Variants in ZNF454 observed in about 807,000 individuals in gnomAD.
ZNF454 encodes the protein zinc finger protein 454.
Under a neutral mutation model 48.2 loss-of-function variants are expected in ZNF454, and 30 were observed. The observed-to-expected ratio is 0.62, with a 90% CI of 0.47 to 0.84. The LOEUF (loss-of-function observed/expected upper bound fraction) is 0.84, where lower values mean the gene tolerates loss of function less well. Ranked by LOEUF, ZNF454 falls within the 40% of genes least tolerant of loss-of-function variation. The pLI is 0.00. For missense variants in ZNF454, 510 were observed against 623.1 expected, an observed-to-expected ratio of 0.82 and a Z score of 1.93; for synonymous variants, 204 against 211.4, an observed-to-expected ratio of 0.97 and a Z score of 0.30.
chr5:178,960,414 C>T (rs1479846354), intron 4 of ZNF454, among the ~76,000 whole-genome samples: 3 of 151,664 alleles, frequency 2.0e-5, no homozygotes, highest in Non-Finnish European at 4.4e-5. Flanking sequence ...TGTGCCACCA[C>T]GCCCGGCTAA....
At position 178,965,839 on chromosome 5, in the gene ZNF454, C is replaced by G. The variant is rs776175490; in HGVS notation, c.1435C>G (p.Arg479Gly). The change falls in exon 5 of 5, where the codon CGA (arginine) becomes GGA (glycine). Residue 479 changes from arginine (R) to glycine (G), a missense_variant. Physicochemically the swap from Arg to Gly is moderately radical, Grantham distance 125. This residue lies in a region of ZNF454 where 153 missense variants were observed against 195.8 expected (regional missense o/e 0.78). Transcript: ENST00000519564. The surrounding 1 kb of genome is among the most constrained non-coding windows in gnomAD (Gnocchi z 5.2). Reference sequence around the variant, plus strand: ...TAAAATCTGTGAGAAAGCCTTTATCCGAAGCACTCACCTGACTCAACATCA... The same window carrying G: ...TAAAATCTGTGAGAAAGCCTTTATCGGAAGCACTCACCTGACTCAACATCA... ...KCKICEKAFI[R>G]STHLTQHQRI... 1.2e-6 allele frequency: 2 copies of G among 1,613,872 alleles called. No individual in the cohort carries two copies. Among genetic ancestry groups the G allele is most frequent in the Non-Finnish European group, 1.7e-6 (2 of 1,180,008 alleles).
intron 4 of ZNF454, among the ~76,000 whole-genome samples, chr5:178,954,197 G>T (rs1484322925): frequency 6.6e-6 from 1 of 152,174 alleles, no homozygotes; most frequent in Non-Finnish European, 1.5e-5. Context: ...GGCAGTGGTT[G>T]CAGTGAGCTG....
At chr5:178,981,375 T>A in the ZNF454 span, 1 of 433,654 alleles carries the variant, frequency 2.3e-6, no homozygotes, top group South Asian at 2.9e-5. This position sits in a 1 kb window ranked among gnomAD's most constrained non-coding sequence, Gnocchi z 5.1. Flanking sequence ...GATGAGAGAA[T>A]AAGTTTAGTC....
chr5:178,953,141 T>TTAC (rs5873643), intron 4 of ZNF454, among the ~76,000 whole-genome samples: 3 of 150,954 alleles, frequency 2.0e-5, no homozygotes, highest in Admixed American at 1.3e-4. Context: ...GTTTTAGACA[T>TTAC]GTATTGAATT....
the ZNF454 span, chr5:178,985,687 A>G: frequency 2.7e-5 from 11 of 402,884 alleles, no homozygotes; most frequent in South Asian, 1.3e-4. Flanking sequence ...TGGGCGACAC[A>G]GCGAGACTCT....
chr5:178,989,369 T>G, the ZNF454 span: 1 of 1,614,060 alleles, frequency 6.2e-7, no homozygotes. Flanking sequence ...CCTGCGGTTG[T>G]TCTCCAGGGA....
At chr5:178,983,667 G>A in the ZNF454 span, 23,809 of 358,872 alleles carry the variant, frequency 0.066, 1,198 homozygotes, top group African/African-American at 0.18. Flanking sequence ...ATCAGGGCAC[G>A]CCACAGGCAA....
the ZNF454 span, chr5:178,981,207 T>C: frequency 5.2e-6 from 1 of 192,516 alleles, no homozygotes; most frequent in Non-Finnish European, 1.1e-5. The surrounding 1 kb of genome is among the most constrained non-coding windows in gnomAD (Gnocchi z 5.1). Context: ...CTCCTCTTGC[T>C]GAGACAGCTC....
At chr5:178,976,095 T>C in the ZNF454 span, 3 of 455,434 alleles carry the variant, frequency 6.6e-6, no homozygotes, top group South Asian at 4.7e-5. Context: ...CCTTGGGCCT[T>C]GCACTTGCCA....
At chr5:178,989,837 G>A in the ZNF454 span, 1 of 302,010 alleles carries the variant, frequency 3.3e-6, no homozygotes, top group South Asian at 3.3e-5. Context: ...CAACCACAGG[G>A]AATGGTGGAA....
chr5:178,986,735 AC>A, the ZNF454 span: 1 of 1,606,274 alleles, frequency 6.2e-7, no homozygotes, highest in Admixed American at 1.7e-5. Context: ...GGGTCGCCAG[AC>A]CACTGCAGGG....
chr5:178,975,552 A>G, the ZNF454 span: 4 of 252,178 alleles, frequency 1.6e-5, no homozygotes, highest in African/African-American at 9.0e-5. Context: ...TCAACACAGT[A>G]GCCAGAGTGG....
chr5:178,987,122 C>T, the ZNF454 span: 1 of 846,654 alleles, frequency 1.2e-6, no homozygotes, highest in East Asian at 2.6e-5. Flanking sequence ...ATCCAAGCCG[C>T]AGGGAGATCC....
chr5:178,964,837 C>A lies in ZNF454; in HGVS notation c.433C>A (p.Pro145Thr), dbSNP rs1200539626. Residue 145 changes from proline (P) to threonine (T), a missense_variant, in exon 5 of 5, where the codon CCC becomes ACC. Transcript: ENST00000519564. The stretch of plus-strand genomic sequence containing the variant: ...TTTGCAGCGAGTGGTACTCACTCAC[C>A]CCAACACCCCATCACAGGAATGTGA... ...ISLQRVVLTH[P>T]NTPSQECDES... 11 of 1,614,132 alleles carry A rather than the reference C, an allele frequency of 6.8e-6. No individual in the cohort carries two copies. Among genetic ancestry groups the A allele is most frequent in the Admixed American group, 5.0e-5 (3 of 60,020 alleles).
intron 4 of ZNF454, among the ~76,000 whole-genome samples, chr5:178,964,371 T>G (rs1035444010): frequency 6.6e-6 from 1 of 152,070 alleles, no homozygotes; most frequent in East Asian, 1.9e-4. Context: ...CCACCCGCCT[T>G]GGCCTCCCAA....
At position 178,941,388 on chromosome 5, in the gene ZNF454, TGCG is replaced by T; in HGVS notation, c.-162_-160del. 1 of 455,614 alleles carries T rather than the reference TGCG, an allele frequency of 2.2e-6. No homozygotes were observed. The highest frequency in any genetic ancestry group is 1.6e-5 in the South Asian group (1 of 64,434). The allele number at this position is 455,614 out of a possible 1,614,324, so 28.2% of individuals were successfully genotyped here. ...AAGGGCGGAGGCAAAGCCGAGGAGG[TGCG>T]GGTTGTGGTCCATTCTGGAGGACGC... is the stretch of plus-strand genomic sequence containing the variant. On this transcript the variant is annotated 5_prime_UTR_variant, in exon 1 of 5. Transcript: ENST00000519564. The surrounding 1 kb of genome is among the most constrained non-coding windows in gnomAD (Gnocchi z 5.5).
chr5:178,986,851 G>C, the ZNF454 span: 4 of 1,613,942 alleles, frequency 2.5e-6, no homozygotes, highest in Middle Eastern at 4.9e-4. Flanking sequence ...CAGTCTGAGG[G>C]TCTCTGCCCA....
At chr5:178,973,157 C>T in the ZNF454 span, among the ~76,000 whole-genome samples, 2 of 151,242 alleles carry the variant, frequency 1.3e-5, no homozygotes, top group Non-Finnish European at 1.5e-5. Context: ...CTCCCCCACA[C>T]CTCCCCTTCC....
intron 4 of ZNF454, among the ~76,000 whole-genome samples, chr5:178,961,983 A>G (rs1282847949): frequency 6.6e-6 from 1 of 151,372 alleles, no homozygotes; most frequent in Non-Finnish European, 1.5e-5. Context: ...ATTGCTTTTC[A>G]TGCCTTCTTA....
Sources: allele counts gnomAD v4.1 joint callset (sites outside exome capture counted in the v4.1 genomes callset), GRCh38; gene constraint gnomAD v4.1.1; regional missense constraint gnomAD v4.1.1; non-coding constraint Gnocchi (gnomAD v3.1); transcripts MANE v1.5; gene names NCBI Gene and HGNC (gene_info 2026-07-23, HGNC 2026-07-21).